MINDY4B: variants seen among roughly 807,000 people sequenced by gnomAD.
MINDY4B encodes MINDY family member 4B.
Under a neutral mutation model 16.7 loss-of-function variants are expected in MINDY4B, and 25 were observed. That is an observed-to-expected ratio of 1.49 (90% confidence interval 1.09 to 2.09). The LOEUF (loss-of-function observed/expected upper bound fraction) is 2.09. MINDY4B is among the 30% of genes most tolerant of loss of function. The pLI, the probability that MINDY4B is intolerant of heterozygous loss-of-function variation, is 0.00. For missense variants in MINDY4B, 327 were observed against 168.4 expected (o/e 1.94, Z -5.21); for synonymous variants, 132 against 61.9 (o/e 2.13, Z -5.32).
At chr3:150,902,358 T>A (rs1033623413) in intron 3 of MINDY4B, among the ~76,000 whole-genome samples, 6 of 152,166 alleles carry the variant, frequency 3.9e-5, no homozygotes, top group African/African-American at 1.4e-4. Flanking sequence ...TAGGATGTAA[T>A]GTGGAGGTTT....
intron 5 of MINDY4B, 102 bp downstream of exon 5, chr3:150,893,222 G>T: frequency 4.4e-6 from 3 of 677,646 alleles, no homozygotes; most frequent in East Asian, 2.7e-5. Flanking sequence ...TTAGGAGGTA[G>T]ATTTCCTTTC....
chr3:150,872,653 C>T (rs1716996368), intron 11 of MINDY4B, among the ~76,000 whole-genome samples: 1 of 152,218 alleles, frequency 6.6e-6, no homozygotes, highest in South Asian at 2.1e-4. Flanking sequence ...ACCAGGCAGA[C>T]CTGTGCCGCA....
Position 150,893,347 on chromosome 3 carries a change from T to C in MINDY4B, c.498A>G (p.Lys166=), listed in dbSNP as rs1161130417. 2 of 702,818 alleles carry C rather than the reference T, an allele frequency of 2.8e-6. No individual in the cohort carries two copies. The highest frequency in any genetic ancestry group is 3.0e-5 in the South Asian group (2 of 67,600). The allele number at this position is 702,818 out of a possible 1,614,324, so 43.5% of individuals were successfully genotyped here. A position where few individuals can be genotyped will look rare whatever the true frequency, so the allele number is the denominator to read the frequency against. The change falls in exon 5 of 12, where the codon AAA becomes AAG. Residue 166 remains lysine, a synonymous_variant. Transcript: ENST00000465419. ...ACTTGCCAAGGTTACAGTCTTTTCC[T>C]TTCCTGGTAAACAACAAGTATTTGA... The part of the protein sequence containing the change: ...SIIKYLLFTR[K]GKDCNLGNLC...
rs1576613043 is a variant in MINDY4B, at chr3:150,890,324, A to G, written c.749T>C (p.Leu250Pro). 1.6e-6 allele frequency: 1 copy of G among 624,064 alleles called. No individual in the cohort carries two copies. The highest frequency in any genetic ancestry group is 2.8e-6 in the Non-Finnish European group (1 of 353,944). 38.7% of individuals were successfully genotyped at this position (624,064 alleles called of 1,614,324 possible). The change falls in exon 7 of 12, where the codon CTA becomes CCA. Residue 250 changes from leucine to proline, a missense_variant. Transcript: ENST00000465419. ...TCTCAACACTTAAACACTTACACAT[A>G]GTAAGTGATCGTAGATGAATTTCTC... is the stretch of plus-strand genomic sequence containing the variant. ...AAEKFIYDHL[L>P]CFRGEGSHGV...
Position 150,883,763 on chromosome 3 carries a change from C to G in MINDY4B, c.834G>C (p.Met278Ile). 1.4e-6 allele frequency: 1 copy of G among 702,692 alleles called. No individual in the cohort carries two copies. The highest frequency in any genetic ancestry group is 2.6e-6 in the Non-Finnish European group (1 of 384,810). 43.5% of individuals were successfully genotyped at this position (702,692 alleles called of 1,614,324 possible). ...IFSRTFERLQ[M>I]DLDVTTTQLL... is the part of the protein sequence containing the mutation. ...GCTGAGTGGTGGTGACATCTAGGTC[C>G]ATTTGAAGCCTGCAGAGTGGGAGAA... Residue 278 changes from methionine (M) to isoleucine (I), a missense_variant, in exon 9 of 12, where the codon ATG (methionine) becomes ATC (isoleucine). Met to Ile is a conservative substitution (Grantham distance 10). Transcript: ENST00000465419.
Position 150,890,927 on chromosome 3 carries a change from A to G in MINDY4B, c.687+11T>C, listed in dbSNP as rs1404981097. 2.8e-6 allele frequency: 2 copies of G among 701,788 alleles called. No homozygotes were observed. The highest frequency in any genetic ancestry group is 1.7e-5 in the African/African-American group (1 of 57,250). 43.5% of individuals were successfully genotyped at this position (701,788 alleles called of 1,614,324 possible). A position where few individuals can be genotyped will look rare whatever the true frequency, so the allele number is the denominator to read the frequency against. On this transcript the variant is annotated intron_variant, in intron 6 of 11. Coordinates refer to ENST00000465419, the MANE Select transcript of MINDY4B (RefSeq NM_001351281.2). ...CCTTTCATCTGCCAGGACAGGGAGA[A>G]CTGCACTTACTCGCTCAGTGAAATT...
At chr3:150,902,691 A>G (rs1559969996) in intron 3 of MINDY4B, among the ~76,000 whole-genome samples, 1 of 152,162 alleles carries the variant, frequency 6.6e-6, no homozygotes, top group East Asian at 1.9e-4. Context: ...AATTGAGCAA[A>G]TGGTCCCCGG....
intron 7 of MINDY4B, among the ~76,000 whole-genome samples, chr3:150,888,191 C>A (rs1051277706): frequency 6.6e-6 from 1 of 152,106 alleles, no homozygotes; most frequent in South Asian, 2.1e-4. Flanking sequence ...CTGGTGGTTG[C>A]CGCCATTCCT....
intron 10 of MINDY4B, among the ~76,000 whole-genome samples, chr3:150,874,542 A>AAAATAT (rs201546432): frequency 3.0e-5 from 1 of 33,640 alleles, no homozygotes; most frequent in Admixed American, 5.0e-4. Context: ...TAAAGAGATA[A>AAAATAT]ACATATATAT....
intron 10 of MINDY4B, among the ~76,000 whole-genome samples, chr3:150,873,638 C>G (rs372888273): frequency 6.6e-6 from 1 of 152,240 alleles, no homozygotes; most frequent in East Asian, 1.9e-4. Context: ...GGCAAAACAA[C>G]TTCAGTTTGG....
At position 150,883,043 on chromosome 3, in the gene MINDY4B, T is replaced by C; in HGVS notation, c.913A>G (p.Ile305Val). 1.4e-6 allele frequency: 1 copy of C among 701,672 alleles called. No homozygotes were observed. The highest frequency in any genetic ancestry group is 2.0e-5 in the Admixed American group (1 of 49,888). The allele number at this position is 701,672 out of a possible 1,614,324, so 43.5% of individuals were successfully genotyped here. A position where few individuals can be genotyped will look rare whatever the true frequency, so the allele number is the denominator to read the frequency against. ...TTGGGACTTGCTCTTCCAGTTAAAA[T>C]CATGTTCAGAACTGCCTAGAGAGCA... ...FLCRQAVLNM[I>V]LTGRASPNVF... is the part of the protein sequence containing the mutation. The change falls in exon 10 of 12, where the codon ATT (isoleucine) becomes GTT (valine). Residue 305 changes from isoleucine (I) to valine (V), a missense_variant. By Grantham distance (29) the Ile-to-Val change is conservative. Transcript: ENST00000465419.
intron 2 of MINDY4B, 37 bp from the exon 3 acceptor site, chr3:150,903,453 CAG>C: frequency 2.5e-6 from 1 of 398,414 alleles, no homozygotes; most frequent in Admixed American, 4.4e-5. Context: ...ACAAAGCAAA[CAG>C]AGCTGGTGAT....
At chr3:150,886,511 C>A (rs1278509586) in intron 7 of MINDY4B, among the ~76,000 whole-genome samples, 1 of 152,202 alleles carries the variant, frequency 6.6e-6, no homozygotes, top group Non-Finnish European at 1.5e-5. Flanking sequence ...GCTGCTGTAA[C>A]AAAGTGCCAC....
At position 150,890,974 on chromosome 3, in the gene MINDY4B, C is replaced by T. The variant is rs1219559411; in HGVS notation, c.651G>A (p.Ser217=). ...AATTGTCCACAGAGTAGTCCGGAGT[C>T]GACGCAACGTAAATGTCCTCAGTGA... ...CLVTEDIYVA[S]TPDYSVDNFT... Residue 217 remains serine, a synonymous_variant, in exon 6 of 12, where the codon TCG becomes TCA. Coordinates refer to ENST00000465419, the MANE Select transcript of MINDY4B (RefSeq NM_001351281.2). 6 of 702,818 alleles carry T rather than the reference C, an allele frequency of 8.5e-6. No homozygotes were observed. The highest frequency in any genetic ancestry group is 2.3e-4 in the Middle Eastern group (1 of 4,364). 43.5% of individuals were successfully genotyped at this position (702,818 alleles called of 1,614,324 possible). A position where few individuals can be genotyped will look rare whatever the true frequency, so the allele number is the denominator to read the frequency against.
intron 3 of MINDY4B, among the ~76,000 whole-genome samples, chr3:150,899,734 G>A (rs1712068453): frequency 6.6e-6 from 1 of 152,126 alleles, no homozygotes; most frequent in Admixed American, 6.5e-5. Context: ...ATCTGGAGGG[G>A]CACACAAAGG....
chr3:150,890,721 C>A, intron 6 of MINDY4B: 1 of 513,256 alleles, frequency 1.9e-6, no homozygotes, highest in Non-Finnish European at 3.5e-6. Flanking sequence ...GGGAGATATT[C>A]TTGGTCCTGG....
intron 4 of MINDY4B, among the ~76,000 whole-genome samples, chr3:150,893,815 C>A (rs752935313): frequency 3.9e-5 from 6 of 151,964 alleles, no homozygotes. Flanking sequence ...CTTAGCCTCC[C>A]GAGTAGCTAG....
chr3:150,903,865 A>T (rs1168676430), intron 2 of MINDY4B, among the ~76,000 whole-genome samples: 1 of 152,002 alleles, frequency 6.6e-6, no homozygotes, highest in East Asian at 1.9e-4. Flanking sequence ...ACTCCCCAAC[A>T]AGTGAGTATA....
intron 7 of MINDY4B, among the ~76,000 whole-genome samples, chr3:150,889,871 T>A (rs1711720584): frequency 6.6e-6 from 1 of 152,192 alleles, no homozygotes; most frequent in African/African-American, 2.4e-5. Flanking sequence ...TGGAGGGCAT[T>A]GTGTGGAAGG....
Sources: gnomAD v4.1 joint callset for allele counts (sites outside exome capture counted in the v4.1 genomes callset) on GRCh38, gnomAD v4.1.1 for gene constraint, MANE v1.5 for transcripts, NCBI Gene and HGNC (gene_info 2026-07-23, HGNC 2026-07-21) for gene names.